The following DTNBP1 variants were observed in gnomAD, a reference collection of about 807,000 sequenced individuals.
DTNBP1 encodes the protein dystrobrevin binding protein 1, also known as dysbindin.
DTNBP1 carries 35 observed loss-of-function variants against 42.8 expected under a neutral mutation model. The ratio of observed to expected loss-of-function variants is 0.82; its 90% CI spans 0.63 to 1.09. DTNBP1 has a LOEUF of 1.09. Ranked by LOEUF, DTNBP1 falls within the 50% of genes least tolerant of loss-of-function variation. The pLI, the probability that DTNBP1 is intolerant of heterozygous loss-of-function variation, is 0.00. For synonymous variants in DTNBP1, 171 were observed against 162.2 expected, an observed-to-expected ratio of 1.05 and a Z score of -0.41; for missense variants, 457 against 424.2, an observed-to-expected ratio of 1.08 and a Z score of -0.68.
chr6:15,644,993 T>C (rs2113790183), intron 3 of DTNBP1, among the ~76,000 whole-genome samples: 1 of 151,080 alleles, frequency 6.6e-6, no homozygotes, highest in African/African-American at 2.4e-5. Context: ...CACAAAAAGT[T>C]AGATATTTGA....
chr6:15,651,106 G>GCTC (rs1301142071), intron 3 of DTNBP1, among the ~76,000 whole-genome samples: 1 of 152,128 alleles, frequency 6.6e-6, no homozygotes, highest in Non-Finnish European at 1.5e-5. Flanking sequence ...ATACAATAGT[G>GCTC]ATCTGTCTGC....
intron 7 of DTNBP1, among the ~76,000 whole-genome samples, chr6:15,582,213 T>A (rs937163786): frequency 6.6e-6 from 1 of 152,188 alleles, no homozygotes; most frequent in African/African-American, 2.4e-5. Context: ...TCAAAACTTG[T>A]CTAAATTCTA....
chr6:15,529,283 AAAAC>A, intron 8 of DTNBP1, among the ~76,000 whole-genome samples: 1 of 152,306 alleles, frequency 6.6e-6, no homozygotes, highest in Middle Eastern at 3.4e-3. Context: ...ACTCCATCCT[AAAAC>A]AAACAAAAGT....
chr6:15,580,376 T>G (rs1775774864), intron 7 of DTNBP1, among the ~76,000 whole-genome samples: 2 of 152,112 alleles, frequency 1.3e-5, no homozygotes, highest in South Asian at 4.1e-4. Flanking sequence ...AAGCTAACGA[T>G]GAATACACAC....
chr6:15,607,662 C>T (rs1758154323), intron 6 of DTNBP1, among the ~76,000 whole-genome samples: 1 of 152,196 alleles, frequency 6.6e-6, no homozygotes, highest in African/African-American at 2.4e-5. Flanking sequence ...CACTGCAAAG[C>T]TCCGTGGGCA....
intron 6 of DTNBP1, among the ~76,000 whole-genome samples, chr6:15,593,333 A>C (rs2113627977): frequency 6.6e-6 from 1 of 152,288 alleles, no homozygotes; most frequent in South Asian, 2.1e-4. Context: ...TAATCTAAAC[A>C]ATTTCATCTA....
At position 15,535,324 on chromosome 6, in the gene DTNBP1, T is replaced by G. The variant is rs796758411; in HGVS notation, c.512-1929A>C. Among the ~76,000 whole-genome samples, 46 of 152,208 alleles carry G rather than the reference T, an allele frequency of 3.0e-4. 1 individual carries two copies. The highest frequency in any genetic ancestry group is 1.1e-3 in the African/African-American group (46 of 41,532). ...TCCTTTGTTTATAAATTACCTATTT[T>G]TTTTGAGACAGAGTCTTACTCTGTT... is the stretch of plus-strand genomic sequence containing the variant. On this transcript the variant is annotated intron_variant, in intron 7 of 9. Transcript: ENST00000344537.
chr6:15,620,487 C>T (rs1758983388), intron 5 of DTNBP1, among the ~76,000 whole-genome samples: 1 of 152,122 alleles, frequency 6.6e-6, no homozygotes, highest in Non-Finnish European at 1.5e-5. Context: ...CCCACCCAGC[C>T]TACATTGTTT....
Position 15,567,735 on chromosome 6 carries a change from C to G in DTNBP1, c.511+25324G>C, listed in dbSNP as rs955930226. On this transcript the variant is annotated intron_variant, in intron 7 of 9. Transcript: ENST00000344537. ...GCCAACCACTTTGGGCACATGTCCT[C>G]AGGACCTTTTGAGACTATGTTTCAG... 4.6e-5 allele frequency among the ~76,000 whole-genome samples: 7 copies of G among 152,206 alleles called. 1 individual carries two copies. The highest frequency in any genetic ancestry group is 3.9e-4 in the Admixed American group (6 of 15,278).
At chr6:15,629,955 T>C (rs1039662328) in intron 4 of DTNBP1, among the ~76,000 whole-genome samples, 1 of 152,180 alleles carries the variant, frequency 6.6e-6, no homozygotes, top group African/African-American at 2.4e-5. Flanking sequence ...CATTTTATCA[T>C]GTGTAATTTC....
intron 8 of DTNBP1, among the ~76,000 whole-genome samples, chr6:15,529,043 G>T (rs1457016466): frequency 6.6e-6 from 1 of 152,230 alleles, no homozygotes; most frequent in Non-Finnish European, 1.5e-5. Flanking sequence ...CCAGCACTCT[G>T]GGAGGCCCAG....
chr6:15,578,723 A>T (rs921958654), intron 7 of DTNBP1, among the ~76,000 whole-genome samples: 2 of 152,230 alleles, frequency 1.3e-5, no homozygotes, highest in Non-Finnish European at 2.9e-5. Context: ...GGATTGGGAG[A>T]GAATCTTCCA....
chr6:15,645,809 T>C (rs1415358914), intron 3 of DTNBP1, among the ~76,000 whole-genome samples: 1 of 152,038 alleles, frequency 6.6e-6, no homozygotes, highest in East Asian at 1.9e-4. Flanking sequence ...GAGCCATATA[T>C]GACAAACCCA....
intron 3 of DTNBP1, 139 bp from the exon 4 acceptor site, chr6:15,637,943 A>G: frequency 2.2e-6 from 2 of 905,404 alleles, no homozygotes; most frequent in Non-Finnish European, 3.4e-6. Context: ...AAGGACACAG[A>G]CGTCAACTTG....
At chr6:15,546,764 C>G (rs1252695719) in intron 7 of DTNBP1, among the ~76,000 whole-genome samples, 1 of 152,242 alleles carries the variant, frequency 6.6e-6, no homozygotes, top group African/African-American at 2.4e-5. Context: ...AGGCTGCTTC[C>G]TGTAGGAGAT....
chr6:15,632,964 CTTTATA>C (rs1759777191), intron 4 of DTNBP1, among the ~76,000 whole-genome samples: 1 of 152,126 alleles, frequency 6.6e-6, no homozygotes, highest in Non-Finnish European at 1.5e-5. Flanking sequence ...TATAGGAAAA[CTTTATA>C]TTTAAGCTTG....
At chr6:15,535,129 C>T (rs1363258801) in intron 7 of DTNBP1, among the ~76,000 whole-genome samples, 2 of 152,044 alleles carry the variant, frequency 1.3e-5, no homozygotes, top group Non-Finnish European at 2.9e-5. Flanking sequence ...ATGCTGTTCT[C>T]GTGATAGTGA....
At chr6:15,626,792 C>G (rs1350699550) in intron 5 of DTNBP1, among the ~76,000 whole-genome samples, 4 of 152,102 alleles carry the variant, frequency 2.6e-5, no homozygotes, top group African/African-American at 9.6e-5. Flanking sequence ...ACTATGTTGC[C>G]CAGGCTGGAT....
chr6:15,590,032 A>C (rs535442409), intron 7 of DTNBP1, among the ~76,000 whole-genome samples: 1 of 152,236 alleles, frequency 6.6e-6, no homozygotes, highest in Non-Finnish European at 1.5e-5. Flanking sequence ...TCCCAGGTTC[A>C]AGCAATTCTC....
Sources: allele counts gnomAD v4.1 joint callset (sites outside exome capture counted in the v4.1 genomes callset), GRCh38; gene constraint gnomAD v4.1.1; transcripts MANE v1.5; gene names NCBI Gene and HGNC (gene_info 2026-07-23, HGNC 2026-07-21).